WDR27: variants seen among roughly 807,000 people sequenced by gnomAD.
The protein encoded by WDR27 is WD repeat domain 27.
WDR27 carries 100 observed loss-of-function variants against 114.4 expected under a neutral mutation model. The ratio of observed to expected loss-of-function variants is 0.87; its 90% confidence interval spans 0.74 to 1.03. The LOEUF (loss-of-function observed/expected upper bound fraction) is 1.03. Among genes scored for constraint, WDR27 ranks in the 50% least tolerant of loss-of-function variants. WDR27 has a pLI of 0.00. For synonymous variants in WDR27, 449 were observed against 423.1 expected (o/e 1.06, Z -0.75); for missense variants, 1,129 against 1,092.9 (o/e 1.03, Z -0.47).
At chr6:169,435,765 G>A in the WDR27 span, among the ~76,000 whole-genome samples, 1 of 152,186 alleles carries the variant, frequency 6.6e-6, no homozygotes, top group Non-Finnish European at 1.5e-5. Flanking sequence ...TGTCTCAGAT[G>A]AGACTTTGGA....
intron 15 of WDR27, 78 bp downstream of exon 15, chr6:169,649,116 CTGTT>C (rs1395687882): frequency 4.3e-6 from 5 of 1,149,424 alleles, no homozygotes; most frequent in African/African-American, 1.5e-5. Flanking sequence ...GGTTTTATAT[CTGTT>C]TGGAAAAGAA....
chr6:169,640,046 G>A (rs138560289), intron 17 of WDR27, among the ~76,000 whole-genome samples: 10 of 152,270 alleles, frequency 6.6e-5, no homozygotes, highest in East Asian at 1.9e-4. Context: ...CTGAGCACCC[G>A]GGCTGGGATG....
intron 25 of WDR27, among the ~76,000 whole-genome samples, chr6:169,482,032 A>C (rs145479772): frequency 6.6e-6 from 1 of 152,308 alleles, no homozygotes; most frequent in East Asian, 1.9e-4. Context: ...AGCTCCCACT[A>C]ATAAGAATAT....
chr6:169,593,995 GTTCCCT>G (rs1806288494), intron 23 of WDR27, among the ~76,000 whole-genome samples: 1 of 151,998 alleles, frequency 6.6e-6, no homozygotes, highest in Admixed American at 6.6e-5. Context: ...TTACTTTGTT[GTTCCCT>G]GTCTGGCTTT....
At chr6:169,667,727 C>G (rs1257469737) in intron 5 of WDR27, among the ~76,000 whole-genome samples, 4 of 152,228 alleles carry the variant, frequency 2.6e-5, no homozygotes, top group Non-Finnish European at 5.9e-5. Context: ...CGCTCCCAGG[C>G]CCTGAATGCA....
At chr6:169,500,736 G>A (rs1302188052) in intron 25 of WDR27, among the ~76,000 whole-genome samples, 1 of 152,150 alleles carries the variant, frequency 6.6e-6, no homozygotes, top group Non-Finnish European at 1.5e-5. Flanking sequence ...GAAGGCACAC[G>A]ACATGGTGGA....
intron 25 of WDR27, among the ~76,000 whole-genome samples, chr6:169,530,739 A>T (rs1262538058): frequency 1.3e-5 from 2 of 152,222 alleles, no homozygotes; most frequent in African/African-American, 4.8e-5. Flanking sequence ...CTCACAGAAC[A>T]TCGAACCTCT....
intron 24 of WDR27, among the ~76,000 whole-genome samples, chr6:169,582,343 T>C (rs527730630): frequency 6.6e-6 from 1 of 152,348 alleles, no homozygotes; most frequent in East Asian, 1.9e-4. Flanking sequence ...CATTCATTTT[T>C]ATATACAATT....
chr6:169,569,335 T>C (rs997273337), intron 25 of WDR27, among the ~76,000 whole-genome samples: 1 of 152,238 alleles, frequency 6.6e-6, no homozygotes, highest in East Asian at 1.9e-4. Context: ...ATTTTAACAA[T>C]CACATGCAAA....
chr6:169,578,130 C>A (rs1386336623), intron 24 of WDR27, among the ~76,000 whole-genome samples: 1 of 152,216 alleles, frequency 6.6e-6, no homozygotes, highest in African/African-American at 2.4e-5. Context: ...CTGGAGCATG[C>A]TTAGTGGGGA....
chr6:169,572,084 GAAAAC>G (rs1332811265), intron 25 of WDR27, among the ~76,000 whole-genome samples: 4 of 151,886 alleles, frequency 2.6e-5, no homozygotes, highest in Non-Finnish European at 5.9e-5. Context: ...ACTGGAAAAA[GAAAAC>G]AAAACACAAA....
At chr6:169,668,281 A>G in intron 4 of WDR27, 96 bp from the exon 5 acceptor site, 2 of 1,251,902 alleles carry the variant, frequency 1.6e-6, no homozygotes, top group Non-Finnish European at 1.1e-6. Flanking sequence ...CTAAGAGGAA[A>G]GCTCAGGCGA....
Position 169,474,107 on chromosome 6 carries a change from C to A in WDR27, c.2646-16473G>T, listed in dbSNP as rs539394614. ...TGTCCCCCATAGAGTAAATCTGTAACCACAGGGCTTCCCTTATGCAAGTTT... is the reference window on the plus strand; with the variant it reads ...TGTCCCCCATAGAGTAAATCTGTAAACACAGGGCTTCCCTTATGCAAGTTT... On this transcript the variant is annotated intron_variant, in intron 25 of 25. Coordinates refer to ENST00000448612, the MANE Select transcript of WDR27 (RefSeq NM_182552.5). 2.0e-5 allele frequency among the ~76,000 whole-genome samples: 3 copies of A among 152,328 alleles called. No individual in the cohort carries two copies. In the South Asian group the frequency reaches 6.2e-4, roughly 32 times the overall value.
intron 25 of WDR27, among the ~76,000 whole-genome samples, chr6:169,512,950 G>A (rs941524636): frequency 2.6e-5 from 4 of 152,204 alleles, no homozygotes; most frequent in East Asian, 1.9e-4. Context: ...TAAAGGAGAC[G>A]GACACTGCTT....
At chr6:169,623,912 C>T (rs888559853) in intron 21 of WDR27, among the ~76,000 whole-genome samples, 1 of 152,152 alleles carries the variant, frequency 6.6e-6, no homozygotes, top group Non-Finnish European at 1.5e-5. Flanking sequence ...AGGAGTGACA[C>T]AGCCTGAGCA....
chr6:169,481,999 T>G (rs1788220384), intron 25 of WDR27, among the ~76,000 whole-genome samples: 1 of 152,238 alleles, frequency 6.6e-6, no homozygotes, highest in Non-Finnish European at 1.5e-5. Context: ...TTTCCCTCTA[T>G]GTGCCATGAG....
At chr6:169,639,650 T>C (rs1818657990) in intron 17 of WDR27, among the ~76,000 whole-genome samples, 1 of 152,110 alleles carries the variant, frequency 6.6e-6, no homozygotes, top group Admixed American at 6.5e-5. Context: ...TAAACTAAGG[T>C]AGGCGATGAG....
the WDR27 span, among the ~76,000 whole-genome samples, chr6:169,437,798 A>AT: frequency 9.9e-5 from 15 of 151,644 alleles, no homozygotes; most frequent in Non-Finnish European, 2.1e-4. Context: ...AGTTGTTGCA[A>AT]TTTTTTTTTA....
rs777006582 is a variant in WDR27, at chr6:169,633,064, G to A, written c.2106C>T (p.Ile702=). ...TCCTGTTCCGGCCAGCTGCGAGTAC[G>A]ATGTCTGCGATAATCCAGTTAGGGA... is the stretch of plus-strand genomic sequence containing the variant. ...LSAVNDFYSH[I]VLAAGRNRTV... Residue 702 remains isoleucine (I), a synonymous_variant, in exon 21 of 26, where the codon ATC becomes ATT. Coordinates refer to ENST00000448612, the MANE Select transcript of WDR27 (RefSeq NM_182552.5). 2.5e-6 allele frequency: 4 copies of A among 1,577,380 alleles called. No homozygotes were observed. The highest frequency in any genetic ancestry group is 3.5e-6 in the Non-Finnish European group (4 of 1,151,622).
Sources: allele counts gnomAD v4.1 joint callset (sites outside exome capture counted in the v4.1 genomes callset), GRCh38; gene constraint gnomAD v4.1.1; transcripts MANE v1.5; gene names NCBI Gene and HGNC (gene_info 2026-07-23, HGNC 2026-07-21).